Variants in C1GALT1 observed in about 807,000 individuals in gnomAD.
C1GALT1 encodes core 1 synthase, glycoprotein-N-acetylgalactosamine 3-beta-galactosyltransferase 1, also known as glycoprotein-N-acetylgalactosamine 3-beta-galactosyltransferase 1.
In C1GALT1, 11 loss-of-function variants were observed where a neutral mutation model predicts 31.0. The ratio of observed to expected loss-of-function variants is 0.36; its 90% CI spans 0.22 to 0.59. C1GALT1 has a LOEUF of 0.59. C1GALT1 is among the 20% of genes least tolerant of loss of function. The pLI, the probability that C1GALT1 is intolerant of heterozygous loss-of-function variation, is 0.79. For missense variants in C1GALT1, 424 were observed against 425.2 expected, an observed-to-expected ratio of 1.00 and a Z score of 0.03; for synonymous variants, 175 against 143.6, an observed-to-expected ratio of 1.22 and a Z score of -1.56.
intron 1 of C1GALT1, among the ~76,000 whole-genome samples, chr7:7,202,448 T>C (rs984488338): frequency 1.3e-5 from 2 of 152,254 alleles, no homozygotes; most frequent in Admixed American, 6.5e-5. Flanking sequence ...CATGTGGATA[T>C]CCAGTTTTCC....
intron 1 of C1GALT1, among the ~76,000 whole-genome samples, chr7:7,202,317 A>G (rs1040241450): frequency 3.9e-5 from 6 of 152,128 alleles, no homozygotes; most frequent in African/African-American, 1.2e-4. Context: ...GTCTCCACAC[A>G]CTACTCGGTG....
chr7:7,220,050 C>T lies in C1GALT1; in HGVS notation c.-17-14253C>T, dbSNP rs543913838. Among the ~76,000 whole-genome samples, 6 of 152,232 alleles carry T rather than the reference C, an allele frequency of 3.9e-5. No individual in the cohort carries two copies. In the East Asian group the frequency reaches 1.2e-3, roughly 29 times the overall value. On this transcript the variant is annotated intron_variant, in intron 1 of 3. Coordinates refer to ENST00000436587, the MANE Select transcript of C1GALT1 (RefSeq NM_020156.5). ...AAGCTTATTATGTACAGGCACTGCT[C>T]ATGAATGCTTTTTATTTTTTATTAA...
chr7:7,232,484 G>GTT (rs67013405), intron 1 of C1GALT1, among the ~76,000 whole-genome samples: 233 of 132,936 alleles, frequency 1.8e-3, no homozygotes, highest in Non-Finnish European at 2.9e-3. Flanking sequence ...AAGGGCGTGG[G>GTT]TTTTTTTTTT....
intron 1 of C1GALT1, among the ~76,000 whole-genome samples, chr7:7,231,860 A>G (rs185576016): frequency 3.3e-5 from 5 of 151,870 alleles, no homozygotes; most frequent in Admixed American, 2.6e-4. Context: ...GAATATTTTT[A>G]CAGTTAGGCT....
At chr7:7,175,612 A>G (rs148976522) in intron 2 of C1GALT1, among the ~76,000 whole-genome samples, 129 of 152,316 alleles carry the variant, frequency 8.5e-4, no homozygotes, top group African/African-American at 3.1e-3. Flanking sequence ...TTTCTGCCCT[A>G]GGTTCTGAGT....
intron 1 of C1GALT1, among the ~76,000 whole-genome samples, chr7:7,226,468 C>T (rs1453458584): frequency 1.3e-5 from 2 of 152,062 alleles, no homozygotes; most frequent in African/African-American, 2.4e-5. Context: ...TGGTAAAGGG[C>T]ATTAAAATCT....
intron 1 of C1GALT1, among the ~76,000 whole-genome samples, chr7:7,220,235 A>G (rs868319098): frequency 9.2e-5 from 14 of 152,234 alleles, no homozygotes; most frequent in African/African-American, 3.4e-4. Context: ...GGTTGTGGAA[A>G]GTTATGGTAA....
At chr7:7,220,159 G>C (rs892552236) in intron 1 of C1GALT1, among the ~76,000 whole-genome samples, 11 of 152,130 alleles carry the variant, frequency 7.2e-5, no homozygotes, top group Non-Finnish European at 1.3e-4. Flanking sequence ...GTTTTTTGTA[G>C]TAGCAGGCCA....
chr7:7,162,167 A>G (rs1487190264), intron 2 of C1GALT1, among the ~76,000 whole-genome samples: 1 of 148,846 alleles, frequency 6.7e-6, no homozygotes, highest in Non-Finnish European at 1.5e-5. Flanking sequence ...CACAATGTGC[A>G]GGTTAGTTAC....
At chr7:7,231,619 TTTC>T (rs1335204147) in intron 1 of C1GALT1, among the ~76,000 whole-genome samples, 1 of 152,218 alleles carries the variant, frequency 6.6e-6, no homozygotes, top group Non-Finnish European at 1.5e-5. Context: ...TGCCATTTAA[TTTC>T]TTGACTTTAT....
intron 1 of C1GALT1, among the ~76,000 whole-genome samples, chr7:7,230,349 G>A (rs537383782): frequency 4.0e-5 from 6 of 151,820 alleles, no homozygotes; most frequent in African/African-American, 1.4e-4. Flanking sequence ...GTAACTACTA[G>A]TTTTTTTTGT....
At chr7:7,166,328 GTAA>G (rs1267638714) in intron 2 of C1GALT1, among the ~76,000 whole-genome samples, 2 of 152,064 alleles carry the variant, frequency 1.3e-5, no homozygotes, top group Admixed American at 6.6e-5. Flanking sequence ...ACAATAAAAA[GTAA>G]TAAACTATTG....
intron 1 of C1GALT1, among the ~76,000 whole-genome samples, chr7:7,230,849 T>A (rs576616858): frequency 9.2e-5 from 14 of 152,198 alleles, no homozygotes; most frequent in Non-Finnish European, 1.6e-4. Flanking sequence ...CTTATACTTT[T>A]TGATGCCAGT....
At chr7:7,182,181 G>A (rs1240235392), upstream of C1GALT1, among the ~76,000 whole-genome samples, 1 of 152,176 alleles carries the variant, frequency 6.6e-6, no homozygotes, top group African/African-American at 2.4e-5. Context: ...AACGGGTTAA[G>A]AGCAGGCTAC....
At chr7:7,221,125 T>C (rs979871642) in intron 1 of C1GALT1, among the ~76,000 whole-genome samples, 2 of 152,342 alleles carry the variant, frequency 1.3e-5, no homozygotes, top group South Asian at 2.1e-4. Flanking sequence ...CTTTGAAATA[T>C]TGAGTTAATG....
intron 2 of C1GALT1, among the ~76,000 whole-genome samples, chr7:7,177,321 C>A (rs1780514642): frequency 6.6e-6 from 1 of 152,128 alleles, no homozygotes; most frequent in Non-Finnish European, 1.5e-5. Context: ...GTATATAAAG[C>A]CTTCCCCTGT....
chr7:7,171,834 T>A (rs1780456924), intron 2 of C1GALT1, among the ~76,000 whole-genome samples: 1 of 152,170 alleles, frequency 6.6e-6, no homozygotes, highest in African/African-American at 2.4e-5. Context: ...GATACCAACT[T>A]AACTTCAAAA....
intron 1 of C1GALT1, among the ~76,000 whole-genome samples, chr7:7,184,307 G>A (rs187632670): frequency 7.6e-4 from 116 of 152,294 alleles, no homozygotes; most frequent in African/African-American, 2.7e-3. Context: ...TTCAGTATTA[G>A]TGGAGAGCTA....
intron 1 of C1GALT1, among the ~76,000 whole-genome samples, chr7:7,212,325 C>T (rs531238968): frequency 7.9e-5 from 12 of 152,146 alleles, no homozygotes; most frequent in Non-Finnish European, 1.5e-4. Flanking sequence ...ATTGGCTCTG[C>T]GTGTCAAGCT....
Sources: allele counts gnomAD v4.1 joint callset (sites outside exome capture counted in the v4.1 genomes callset), GRCh38; gene constraint gnomAD v4.1.1; transcripts MANE v1.5; gene names NCBI Gene and HGNC (gene_info 2026-07-23, HGNC 2026-07-21).